Variants in RNF212B observed in about 807,000 individuals in gnomAD.
RNF212B encodes the protein ring finger protein 212B, also known as E3 ubiquitin-protein ligase RNF212B.
RNF212B carries 52 observed loss-of-function variants against 55.5 expected under a neutral mutation model. That is an observed-to-expected ratio of 0.94 (90% CI 0.75 to 1.18). The LOEUF is 1.18. Ranked by LOEUF, RNF212B falls within the 50% of genes most tolerant of loss-of-function variation. The pLI is 0.00. For synonymous variants in RNF212B, 99 were observed against 121.4 expected (o/e 0.82, Z 1.21); for missense variants, 289 against 350.4 (o/e 0.82, Z 1.40).
chr14:23,224,069 T>A (rs1169722060), intron 2 of RNF212B, among the ~76,000 whole-genome samples: 1 of 152,056 alleles, frequency 6.6e-6, no homozygotes, highest in African/African-American at 2.4e-5. Flanking sequence ...AAAACATTGA[T>A]GAAAGAAATT....
chr14:23,257,604 C>T (rs540529093), intron 4 of RNF212B, among the ~76,000 whole-genome samples: 22 of 152,246 alleles, frequency 1.4e-4, no homozygotes, highest in African/African-American at 4.6e-4. Flanking sequence ...GCAGATGAGA[C>T]GTAAATACTG....
chr14:23,233,082 G>A (rs1956601775), upstream of RNF212B, among the ~76,000 whole-genome samples: 1 of 152,190 alleles, frequency 6.6e-6, no homozygotes, highest in African/African-American at 2.4e-5. Context: ...TTCTGCCTTG[G>A]GATGCTGTTG....
chr14:23,197,676 A>G (rs1878856327), intron 2 of RNF212B, among the ~76,000 whole-genome samples: 1 of 152,152 alleles, frequency 6.6e-6, no homozygotes, highest in South Asian at 2.1e-4. Flanking sequence ...AGAGAATAAT[A>G]CAATGAACTC....
At chr14:23,248,693 G>A (rs1037034856) in intron 4 of RNF212B, among the ~76,000 whole-genome samples, 2 of 151,816 alleles carry the variant, frequency 1.3e-5, no homozygotes, top group African/African-American at 4.8e-5. Flanking sequence ...GCCCACCTCA[G>A]CCTCCCAAAG....
chr14:23,241,667 G>A lies in RNF212B; in HGVS notation c.100+1222G>A, dbSNP rs369283082. ...TCGAACTCCCGGCCTCAAGTGATCCGCCTGCCTCAGCCTCCCAAAGTGCTG... is the reference window on the plus strand; with the variant it reads ...TCGAACTCCCGGCCTCAAGTGATCCACCTGCCTCAGCCTCCCAAAGTGCTG... On this transcript the variant is annotated intron_variant, in intron 2 of 14. Coordinates refer to ENST00000430154, the MANE Select transcript of RNF212B (RefSeq NM_001282322.3). Among the ~76,000 whole-genome samples the A allele has an allele frequency of 1.4e-3, 214 of 151,954 alleles. 5 individuals are homozygous for A. In the East Asian group the frequency reaches 0.03, roughly 21 times the overall value.
chr14:23,255,978 C>G (rs972801436), intron 4 of RNF212B, among the ~76,000 whole-genome samples: 3 of 152,076 alleles, frequency 2.0e-5, no homozygotes, highest in Non-Finnish European at 4.4e-5. Flanking sequence ...CTGGACTGGT[C>G]TTTCTTCTTC....
intron 2 of RNF212B, 111 bp from the exon 3 acceptor site, chr14:23,243,145 C>A: frequency 1.4e-6 from 1 of 710,668 alleles, no homozygotes; most frequent in South Asian, 1.8e-5. Context: ...CAGTTAAGAA[C>A]CCTTTTTTTC....
chr14:23,186,526 T>C (rs1300183002), intron 1 of RNF212B, among the ~76,000 whole-genome samples: 3 of 152,130 alleles, frequency 2.0e-5, no homozygotes, highest in Non-Finnish European at 2.9e-5. Flanking sequence ...ATTTTTGTGT[T>C]TTTAGTAGAG....
At chr14:23,209,054 G>A (rs940182735) in intron 2 of RNF212B, among the ~76,000 whole-genome samples, 3 of 152,190 alleles carry the variant, frequency 2.0e-5, no homozygotes, top group African/African-American at 4.8e-5. Flanking sequence ...CACCGTGCCC[G>A]GCCTGGTTGC....
chr14:23,208,076 C>A (rs1880024107), intron 2 of RNF212B, among the ~76,000 whole-genome samples: 1 of 152,186 alleles, frequency 6.6e-6, no homozygotes, highest in African/African-American at 2.4e-5. Flanking sequence ...TTGCCCTAAG[C>A]AGTTCCCAGC....
At chr14:23,193,267 AT>A (rs1255259307) in intron 1 of RNF212B, 4 of 152,186 alleles carry the variant, frequency 2.6e-5, no homozygotes, top group Non-Finnish European at 4.4e-5. Flanking sequence ...TGGGTATAAA[AT>A]AAAATCTCTA....
At chr14:23,231,796 C>T (rs1418278854) in intron 2 of RNF212B, among the ~76,000 whole-genome samples, 2 of 152,236 alleles carry the variant, frequency 1.3e-5, no homozygotes, top group African/African-American at 2.4e-5. Context: ...CGCGCCGCCA[C>T]GCCTGACTGG....
At chr14:23,192,071 T>C (rs10782427) in intron 1 of RNF212B, among the ~76,000 whole-genome samples, 148,690 of 150,932 alleles carry the variant, frequency 0.99, 73,272 homozygotes, top group Non-Finnish European at 1. Context: ...AATAGGAACA[T>C]TTTTACACTG....
chr14:23,251,084 CCATACTATTCA>C (rs1884370354), intron 4 of RNF212B, among the ~76,000 whole-genome samples: 1 of 152,160 alleles, frequency 6.6e-6, no homozygotes, highest in Admixed American at 6.5e-5. Context: ...AGACAAGAAC[CCATACTATTCA>C]TCTTAGCATT....
chr14:23,209,050 G>T (rs560689342), intron 2 of RNF212B, among the ~76,000 whole-genome samples: 4 of 152,204 alleles, frequency 2.6e-5, no homozygotes, highest in African/African-American at 9.7e-5. Flanking sequence ...GAGCCACCGT[G>T]CCCGGCCTGG....
intron 2 of RNF212B, among the ~76,000 whole-genome samples, chr14:23,196,528 T>G (rs866989650): frequency 6.6e-6 from 1 of 152,158 alleles, no homozygotes. Flanking sequence ...CAGCCTTGAA[T>G]TCCTGGGCTC....
intron 2 of RNF212B, among the ~76,000 whole-genome samples, chr14:23,201,489 A>G (rs975568659): frequency 2.6e-5 from 4 of 152,236 alleles, no homozygotes; most frequent in African/African-American, 9.6e-5. Context: ...ACACATACCA[A>G]TAACATTTAT....
chr14:23,243,259 A>AGGG lies in RNF212B; in HGVS notation c.104_105insGGG (p.Lys35_Cys36insGly). 6.5e-7 allele frequency: 1 copy of AGGG among 1,549,756 alleles called. No individual in the cohort carries two copies. Among genetic ancestry groups the AGGG allele is most frequent in the Non-Finnish European group, 8.7e-7 (1 of 1,146,834 alleles). On this transcript the variant is annotated inframe_insertion, in exon 3 of 15. Coordinates refer to ENST00000430154, the MANE Select transcript of RNF212B (RefSeq NM_001282322.3). ...TTTTTTTCCCTTTTCCTCCCAGAAAAATGTGCTGTTTGTGGAACTGCCTGC... is the reference window on the plus strand; with the variant it reads ...TTTTTTTCCCTTTTCCTCCCAGAAAAGGGATGTGCTGTTTGTGGAACTGCCTGC...
chr14:23,196,125 C>T (rs749611096), intron 2 of RNF212B, among the ~76,000 whole-genome samples: 4 of 152,152 alleles, frequency 2.6e-5, no homozygotes, highest in East Asian at 1.9e-4. Flanking sequence ...TCCTTATGAA[C>T]GGGAGCACCT....
Sources: allele counts gnomAD v4.1 joint callset (sites outside exome capture counted in the v4.1 genomes callset), GRCh38; gene constraint gnomAD v4.1.1; transcripts MANE v1.5; gene names NCBI Gene and HGNC (gene_info 2026-07-23, HGNC 2026-07-21).